The following FRMD8 variants were observed in gnomAD, a reference collection of about 807,000 sequenced individuals.
The protein encoded by FRMD8 is FERM domain-containing protein 8.
Under a neutral mutation model 54.2 loss-of-function variants are expected in FRMD8, and 37 were observed. The observed-to-expected ratio is 0.68, with a 90% confidence interval of 0.53 to 0.90. The LOEUF (loss-of-function observed/expected upper bound fraction) is 0.90, where lower values mean the gene tolerates loss of function less well. Ranked by LOEUF, FRMD8 falls within the 40% of genes least tolerant of loss-of-function variation. The probability of loss-of-function intolerance (pLI) is 0.00; values close to 1 mark genes in which losing one functional copy is unlikely to be tolerated. For synonymous variants in FRMD8, 246 were observed against 286.9 expected (o/e 0.86, Z 1.44); for missense variants, 585 against 653.7 (o/e 0.89, Z 1.15).
At chr11:65,406,616 T>C (rs2957266) in intron 10 of FRMD8, among the ~76,000 whole-genome samples, 148,661 of 151,928 alleles carry the variant, frequency 0.98, 72,819 homozygotes, top group East Asian at 1. Context: ...GCGTGAAACA[T>C]CACACCAAGC....
chr11:65,380,673 C>T, the FRMD8 span: 2 of 1,152,032 alleles, frequency 1.7e-6, no homozygotes, highest in Non-Finnish European at 2.3e-6. Context: ...AGGAGCTTCT[C>T]CCCTCCCCTC....
intron 7 of FRMD8, among the ~76,000 whole-genome samples, chr11:65,397,425 A>G (rs1341031103): frequency 6.6e-6 from 1 of 152,196 alleles, no homozygotes; most frequent in African/African-American, 2.4e-5. Flanking sequence ...GTTCTAGTGG[A>G]GAGAGACGAG....
chr11:65,399,432 C>T (rs1856022660), intron 7 of FRMD8, among the ~76,000 whole-genome samples: 1 of 152,160 alleles, frequency 6.6e-6, no homozygotes, highest in Non-Finnish European at 1.5e-5. Flanking sequence ...CCCTGGCCCC[C>T]AGACCAAGTG....
intron 10 of FRMD8, among the ~76,000 whole-genome samples, chr11:65,407,465 T>C (rs925135680): frequency 6.6e-6 from 1 of 151,942 alleles, no homozygotes; most frequent in Non-Finnish European, 1.5e-5. Flanking sequence ...TTGGCCAGGC[T>C]GGTCTCAAAC....
At chr11:65,388,293 G>A (rs1486140685) in intron 2 of FRMD8, among the ~76,000 whole-genome samples, 2 of 152,160 alleles carry the variant, frequency 1.3e-5, no homozygotes, top group Non-Finnish European at 2.9e-5. Context: ...AGCTTCTGGT[G>A]CCTCAGTTCT....
chr11:65,394,594 C>T (rs1855911120), intron 6 of FRMD8, among the ~76,000 whole-genome samples, 169 bp downstream of exon 6: 3 of 152,240 alleles, frequency 2.0e-5, no homozygotes, highest in Non-Finnish European at 4.4e-5. Context: ...CGCCCCTCAG[C>T]CTCCTTTTCC....
At chr11:65,376,520 G>A in the FRMD8 span, 17 of 1,614,188 alleles carry the variant, frequency 1.1e-5, no homozygotes, top group East Asian at 3.8e-4. Context: ...AGTCCTTCCT[G>A]CCGGATGCTG....
upstream of FRMD8, chr11:65,381,732 T>A (rs528396425): frequency 5.9e-6 from 4 of 676,224 alleles, no homozygotes; most frequent in African/African-American, 3.6e-5. Flanking sequence ...TTATTTTGAT[T>A]TTTTTGTAGA....
rs748724175 is a variant in FRMD8 at position 65,394,247 on chromosome 11, AC to A, written c.415-6del. 3.8e-6 allele frequency: 6 copies of A among 1,597,412 alleles called. No individual in the cohort carries two copies. In the Admixed American group the frequency reaches 5.2e-5, roughly 14 times the overall value. ...CCAGCTGAGCGGCTGTCCCTGCCACACCCCCCTGCAGATCCATGACGAGGAG... is the reference window on the plus strand; with the variant it reads ...CCAGCTGAGCGGCTGTCCCTGCCACACCCCCTGCAGATCCATGACGAGGAG... On this transcript the variant is annotated splice_polypyrimidine_tract_variant and intron_variant, in intron 5 of 10. Coordinates refer to ENST00000317568, the MANE Select transcript of FRMD8 (RefSeq NM_031904.5).
chr11:65,394,893 T>C (rs567833575), intron 6 of FRMD8, among the ~76,000 whole-genome samples: 1 of 152,342 alleles, frequency 6.6e-6, no homozygotes, highest in East Asian at 1.9e-4. Context: ...GAGTCTGCCC[T>C]GCCAAAGCCC....
At chr11:65,371,983 C>T in the FRMD8 span, among the ~76,000 whole-genome samples, 2 of 152,216 alleles carry the variant, frequency 1.3e-5, no homozygotes, top group South Asian at 4.1e-4. Context: ...GCAATCTCAG[C>T]TCACTTCAAC....
Position 65,404,958 on chromosome 11 carries a change from C to T in FRMD8, c.1166C>T (p.Ser389Leu), listed in dbSNP as rs150215273. 2.5e-4 allele frequency: 404 copies of T among 1,613,156 alleles called. 2 individuals are homozygous for T. Among genetic ancestry groups the T allele is most frequent in the African/African-American group, 1.1e-3 (79 of 75,070 alleles). ...CAGGACAGTGCGACTGGCTCGCCCTCGGACCCCAGCTCCTCACTGGCTCCT... is the reference window on the plus strand; with the variant it reads ...CAGGACAGTGCGACTGGCTCGCCCTTGGACCCCAGCTCCTCACTGGCTCCT... ...GPQDSATGSP[S>L]DPSSSLAPVQ... The change falls in exon 10 of 11, where the codon TCG (serine) becomes TTG (leucine). Residue 389 changes from serine (S) to leucine (L), a missense_variant. Transcript: ENST00000317568. The surrounding 1 kb of genome is among the most constrained non-coding windows in gnomAD (Gnocchi z 4.7).
upstream of FRMD8, chr11:65,383,794 C>G (rs1224740049): frequency 7.3e-6 from 1 of 136,836 alleles, no homozygotes; most frequent in Non-Finnish European, 1.6e-5. Context: ...AAAAAAAAAC[C>G]CTCCTGTCTC....
intron 6 of FRMD8, 145 bp downstream of exon 6, chr11:65,394,570 C>T (rs952078381): frequency 4.9e-6 from 5 of 1,011,070 alleles, no homozygotes; most frequent in African/African-American, 3.2e-5. Context: ...CACTCTGGCC[C>T]TAGGCAGTTG....
chr11:65,391,109 G>A (rs557075954), intron 3 of FRMD8, among the ~76,000 whole-genome samples: 1 of 152,210 alleles, frequency 6.6e-6, no homozygotes, highest in East Asian at 1.9e-4. Context: ...GAGGGGCGCT[G>A]TCTTCTGGAG....
chr11:65,409,284 G>A (rs1286316654), intron 10 of FRMD8, among the ~76,000 whole-genome samples: 4 of 151,436 alleles, frequency 2.6e-5, no homozygotes, highest in Middle Eastern at 3.4e-3. Flanking sequence ...ACAGGGTTTC[G>A]CCATGTTGGC....
chr11:65,376,993 TG>T, the FRMD8 span: 3 of 1,613,334 alleles, frequency 1.9e-6, no homozygotes, highest in Admixed American at 1.7e-5. Context: ...GGTACCGGGG[TG>T]GGGGGCTCCC....
chr11:65,382,443 T>C (rs921898497), upstream of FRMD8: 23 of 182,888 alleles, frequency 1.3e-4, no homozygotes, highest in East Asian at 9.5e-4. The surrounding 1 kb of genome is among the most constrained non-coding windows in gnomAD (Gnocchi z 4.4). Context: ...CATTTGCCGC[T>C]GCGTGGCAGG....
the FRMD8 span, chr11:65,377,092 C>A: frequency 1.2e-6 from 2 of 1,608,276 alleles, no homozygotes; most frequent in Non-Finnish European, 1.7e-6. Context: ...GGTGATGAAA[C>A]ATGAGGGCCC....
Sources: gnomAD v4.1 joint callset for allele counts (sites outside exome capture counted in the v4.1 genomes callset) on GRCh38, gnomAD v4.1.1 for gene constraint, Gnocchi (gnomAD v3.1) non-coding constraint, MANE v1.5 for transcripts, NCBI Gene and HGNC (gene_info 2026-07-23, HGNC 2026-07-21) for gene names.